DLG1: variants seen among roughly 807,000 people sequenced by gnomAD.
DLG1 encodes the protein discs large MAGUK scaffold protein 1.
DLG1 carries 42 observed loss-of-function variants against 123.4 expected under a neutral mutation model. That is an observed-to-expected ratio of 0.34 (90% CI 0.27 to 0.44). DLG1 has a LOEUF of 0.44. DLG1 is among the 20% of genes least tolerant of loss of function. The pLI is 1.00. For synonymous variants in DLG1, 317 were observed against 356.2 expected (o/e 0.89, Z 1.24); for missense variants, 942 against 1,082.6 (o/e 0.87, Z 1.82).
intron 11 of DLG1, among the ~76,000 whole-genome samples, chr3:197,128,122 C>T (rs1780730831): frequency 6.6e-6 from 1 of 152,174 alleles, no homozygotes; most frequent in Admixed American, 6.5e-5. Flanking sequence ...TTCCCTGAAG[C>T]ATGTGATGCT....
chr3:197,094,880 T>C (rs924492882), intron 14 of DLG1, among the ~76,000 whole-genome samples: 2 of 152,212 alleles, frequency 1.3e-5, no homozygotes, highest in Non-Finnish European at 2.9e-5. Context: ...TTTCTTTTTC[T>C]GCTGGGGGAG....
At chr3:197,120,977 G>A (rs529036936) in intron 11 of DLG1, among the ~76,000 whole-genome samples, 2 of 152,196 alleles carry the variant, frequency 1.3e-5, no homozygotes, top group African/African-American at 2.4e-5. Flanking sequence ...AGATACCCAC[G>A]TGAACCTCTA....
At chr3:197,158,518 C>A (rs1797353325) in intron 5 of DLG1, among the ~76,000 whole-genome samples, 1 of 150,040 alleles carries the variant, frequency 6.7e-6, no homozygotes, top group South Asian at 2.1e-4. Flanking sequence ...CCTGTAATCC[C>A]AGCTACTCGG....
chr3:197,222,773 T>A (rs1442350249), intron 4 of DLG1, among the ~76,000 whole-genome samples: 1 of 152,192 alleles, frequency 6.6e-6, no homozygotes, highest in Non-Finnish European at 1.5e-5. Flanking sequence ...ATACTGGGTG[T>A]TCTGCCTTCC....
chr3:197,055,768 C>T (rs1017706795), intron 23 of DLG1, among the ~76,000 whole-genome samples: 1 of 152,114 alleles, frequency 6.6e-6, no homozygotes, highest in Admixed American at 6.6e-5. Context: ...TTTTCTTTCT[C>T]CTCACTAATC....
intron 22 of DLG1, among the ~76,000 whole-genome samples, chr3:197,064,192 C>G (rs1737864002): frequency 6.8e-6 from 1 of 147,722 alleles, no homozygotes. Flanking sequence ...TGTGCCTGGC[C>G]TTATTTTTTT....
intron 4 of DLG1, among the ~76,000 whole-genome samples, chr3:197,260,750 CAAAAAAAAAAAAAAAA>C (rs570596943): frequency 1.8e-3 from 33 of 18,322 alleles, no homozygotes; most frequent in East Asian, 0.015. Flanking sequence ...TGACAACCAC[CAAAAAAAAAAAAAAAA>C]AAAAAAAAAA....
At chr3:197,261,139 A>G (rs1759251738) in intron 4 of DLG1, among the ~76,000 whole-genome samples, 1 of 152,188 alleles carries the variant, frequency 6.6e-6, no homozygotes, top group Non-Finnish European at 1.5e-5. Context: ...TTTTAAGTCA[A>G]CTAACTTTGT....
At chr3:197,090,316 A>T (rs1757055585) in intron 15 of DLG1, among the ~76,000 whole-genome samples, 1 of 151,946 alleles carries the variant, frequency 6.6e-6, no homozygotes, top group East Asian at 1.9e-4. Flanking sequence ...TGAAAAAAAA[A>T]AAAAGAAACA....
intron 5 of DLG1, among the ~76,000 whole-genome samples, chr3:197,180,009 T>C (rs1441346460): frequency 1.4e-5 from 2 of 145,002 alleles, no homozygotes; most frequent in Non-Finnish European, 3.0e-5. Flanking sequence ...CTGTTCCATA[T>C]TCCTAAGAAT....
chr3:197,226,881 A>T (rs1740254318), intron 4 of DLG1, among the ~76,000 whole-genome samples: 1 of 152,240 alleles, frequency 6.6e-6, no homozygotes, highest in Non-Finnish European at 1.5e-5. Flanking sequence ...CAGAAAAGCT[A>T]TCATTAACTA....
rs747160294 is a variant in DLG1, at chr3:197,051,708, T to C, written c.2484-40A>G. The C allele has an allele frequency of 4.7e-6, 7 of 1,475,322 alleles. No homozygotes were observed. The East Asian group carries it at 6.9e-5, about 15-fold the overall frequency. 91.4% of individuals were successfully genotyped at this position (1,475,322 alleles called of 1,614,324 possible). A position where few individuals can be genotyped will look rare whatever the true frequency, so the allele number is the denominator to read the frequency against. Reference sequence around the variant, plus strand: ...GTAGAAATTGATAATTACCAAATTATAATACTTTTAAAAAAAAGATGGCAA... The same window carrying C: ...GTAGAAATTGATAATTACCAAATTACAATACTTTTAAAAAAAAGATGGCAA... On this transcript the variant is annotated intron_variant, in intron 23 of 24. Transcript: ENST00000667157.
At chr3:197,153,588 T>C (rs1186998417) in intron 5 of DLG1, among the ~76,000 whole-genome samples, 2 of 152,184 alleles carry the variant, frequency 1.3e-5, no homozygotes, top group African/African-American at 2.4e-5. Context: ...CTCCTCATTG[T>C]TGGAAACCCC....
intron 4 of DLG1, among the ~76,000 whole-genome samples, chr3:197,220,852 T>C (rs1293159945): frequency 6.6e-6 from 1 of 152,120 alleles, no homozygotes; most frequent in Non-Finnish European, 1.5e-5. Context: ...AGCACAGAAA[T>C]GAGAAAGTAC....
chr3:197,289,118 G>A (rs1328973281), intron 3 of DLG1, among the ~76,000 whole-genome samples: 2 of 152,174 alleles, frequency 1.3e-5, no homozygotes, highest in Admixed American at 6.5e-5. Flanking sequence ...GGGCTCAAGT[G>A]AAGAAATCAT....
At chr3:197,048,691 T>C (rs1464601537) in intron 24 of DLG1, among the ~76,000 whole-genome samples, 3 of 152,156 alleles carry the variant, frequency 2.0e-5, no homozygotes, top group Non-Finnish European at 2.9e-5. Context: ...GTTTCACTCT[T>C]GTTGCCCAGG....
chr3:197,176,283 T>G (rs923136231), intron 5 of DLG1, among the ~76,000 whole-genome samples: 2 of 152,120 alleles, frequency 1.3e-5, no homozygotes, highest in African/African-American at 4.8e-5. Flanking sequence ...GCATTTCTAA[T>G]GTACATTTGT....
intron 19 of DLG1, 66 bp from the exon 20 acceptor site, chr3:197,066,820 T>G: frequency 9.1e-7 from 1 of 1,100,394 alleles, no homozygotes; most frequent in Non-Finnish European, 1.4e-6. Flanking sequence ...TAATTCTTCA[T>G]AAACAACATA....
intron 1 of DLG1, chr3:197,297,848 A>T: frequency 2.2e-5 from 22 of 985,106 alleles, no homozygotes; most frequent in Non-Finnish European, 2.7e-5. Context: ...CGCCCCGGCC[A>T]GACTCGGAGC....
Sources: allele counts gnomAD v4.1 joint callset (sites outside exome capture counted in the v4.1 genomes callset), GRCh38; gene constraint gnomAD v4.1.1; transcripts MANE v1.5; gene names NCBI Gene and HGNC (gene_info 2026-07-23, HGNC 2026-07-21).